APBA2: variants seen among roughly 807,000 people sequenced by gnomAD.
APBA2 encodes amyloid-beta A4 precursor protein-binding family A member 2.
APBA2 carries 30 observed loss-of-function variants against 75.0 expected under a neutral mutation model. That is an observed-to-expected ratio of 0.40 (90% CI 0.30 to 0.54). The LOEUF (loss-of-function observed/expected upper bound fraction) is 0.54, where lower values mean the gene tolerates loss of function less well. Among genes scored for constraint, APBA2 ranks in the 20% least tolerant of loss-of-function variants. The probability of loss-of-function intolerance (pLI) is 0.49; values close to 1 mark genes in which losing one functional copy is unlikely to be tolerated. For missense variants in APBA2, 801 were observed against 1,016.1 expected, an observed-to-expected ratio of 0.79 and a Z score of 2.88; for synonymous variants, 444 against 409.6, an observed-to-expected ratio of 1.08 and a Z score of -1.01.
Position 28,973,646 on chromosome 15 carries a change from TA to T in APBA2, c.-94-22099del, listed in dbSNP as rs575314269. ...ACTTAAACAAGTATTTTAAAATGTTTAAAAAAAATTGTATATGTATGACCGA... is the reference window on the plus strand; with the variant it reads ...ACTTAAACAAGTATTTTAAAATGTTTAAAAAAATTGTATATGTATGACCGA... On this transcript the variant is annotated intron_variant, in intron 2 of 14. Coordinates refer to ENST00000683413, the MANE Select transcript of APBA2 (RefSeq NM_001353788.2). Among the ~76,000 whole-genome samples, 894 of 152,242 alleles carry T rather than the reference TA, an allele frequency of 5.9e-3. 5 individuals are homozygous for T. Among genetic ancestry groups the T allele is most frequent in the Admixed American group, 8.0e-3 (123 of 15,298 alleles).
intron 1 of APBA2, among the ~76,000 whole-genome samples, chr15:28,901,334 G>A (rs1256530699): frequency 7.1e-6 from 1 of 141,392 alleles, no homozygotes; most frequent in Admixed American, 7.0e-5. Flanking sequence ...TCTGAGCCCC[G>A]CCCCACCCTC....
Position 29,046,689 on chromosome 15 carries a change from C to T in APBA2, c.-40-7156C>T, listed in dbSNP as rs2041350669. Among the ~76,000 whole-genome samples, 1 of 152,232 alleles carries T rather than the reference C, an allele frequency of 6.6e-6. No individual in the cohort carries two copies. Among genetic ancestry groups the T allele is most frequent in the Non-Finnish European group, 1.5e-5 (1 of 68,046 alleles). On this transcript the variant is annotated intron_variant, in intron 3 of 14. Transcript: ENST00000683413. This position sits in a 1 kb window ranked among gnomAD's most constrained non-coding sequence, Gnocchi z 5.0. ...CTTGGGCCATGAACCTGCACACTCTCCAGGTGGGCCTTGTGCCCACCAAAG... is the reference window on the plus strand; with the variant it reads ...CTTGGGCCATGAACCTGCACACTCTTCAGGTGGGCCTTGTGCCCACCAAAG...
chr15:28,971,610 G>C (rs2037073512), intron 2 of APBA2, among the ~76,000 whole-genome samples: 1 of 152,122 alleles, frequency 6.6e-6, no homozygotes, highest in Non-Finnish European at 1.5e-5. Context: ...GGTGTGAAAG[G>C]GAAGAGAAGA....
chr15:29,064,265 A>G (rs1216089068), intron 4 of APBA2, among the ~76,000 whole-genome samples: 1 of 151,446 alleles, frequency 6.6e-6, no homozygotes, highest in Non-Finnish European at 1.5e-5. Flanking sequence ...TCCAGTTTCC[A>G]CCCCGAATTC....
rs1412261503 is a variant in APBA2, at chr15:29,033,726, C to T, written c.-40-20119C>T. Among the ~76,000 whole-genome samples, 12 of 151,998 alleles carry T rather than the reference C, an allele frequency of 7.9e-5. No individual in the cohort carries two copies. In the South Asian group the frequency reaches 8.3e-4, roughly 11 times the overall value. On this transcript the variant is annotated intron_variant, in intron 3 of 14. Transcript: ENST00000683413. ...CTGTAATTCCAGCACTTTGGAAGGCCGAGGCAGCTGGATCACGAGGTCAGG... is the reference window on the plus strand; with the variant it reads ...CTGTAATTCCAGCACTTTGGAAGGCTGAGGCAGCTGGATCACGAGGTCAGG...
rs1450368077 is a variant in APBA2, at chr15:28,988,268, C to CT, written c.-94-7472dup. Among the ~76,000 whole-genome samples the CT allele has an allele frequency of 2.6e-3, 368 of 140,122 alleles. 1 individual carries two copies. Among genetic ancestry groups the CT allele is most frequent in the East Asian group, 0.016 (75 of 4,794 alleles). 91.9% of individuals were successfully genotyped at this position (140,122 alleles called of 152,430 possible). A position where few individuals can be genotyped will look rare whatever the true frequency, so the allele number is the denominator to read the frequency against. On this transcript the variant is annotated intron_variant, in intron 2 of 14. Coordinates refer to ENST00000683413, the MANE Select transcript of APBA2 (RefSeq NM_001353788.2). Reference sequence around the variant, plus strand: ...CCTTGTATTTTTTTCTGTAGTGTGCCTTTTTTTTTTTTTGAGATGGAGTCT... The same window carrying CT: ...CCTTGTATTTTTTTCTGTAGTGTGCCTTTTTTTTTTTTTTGAGATGGAGTCT...
chr15:28,987,734 A>ATATATATG lies in APBA2; in HGVS notation c.-94-8012_-94-8011insGTATATAT, dbSNP rs1166006548. Among the ~76,000 whole-genome samples the ATATATATG allele has an allele frequency of 1.3e-3, 179 of 136,572 alleles. 9 individuals carry two copies. Among genetic ancestry groups the ATATATATG allele is most frequent in the African/African-American group, 5.0e-3 (174 of 34,980 alleles). 89.6% of individuals were successfully genotyped at this position (136,572 alleles called of 152,430 possible). The stretch of plus-strand genomic sequence containing the variant: ...TCAAAGAATATGTGGAGAGAGATAT[A>ATATATATG]TATATATATATATATATATTCTTTT... On this transcript the variant is annotated intron_variant, in intron 2 of 14. Coordinates refer to ENST00000683413, the MANE Select transcript of APBA2 (RefSeq NM_001353788.2).
At chr15:29,075,276 G>A (rs1422101090) in intron 5 of APBA2, among the ~76,000 whole-genome samples, 1 of 152,074 alleles carries the variant, frequency 6.6e-6, no homozygotes, top group Non-Finnish European at 1.5e-5. Flanking sequence ...TGGGGGTGGG[G>A]GACCATTGGT....
Position 29,093,162 on chromosome 15 carries a change from G to A in APBA2, c.1157G>A (p.Arg386Gln), listed in dbSNP as rs765195472. The A allele has an allele frequency of 4.3e-6, 7 of 1,614,122 alleles. No homozygotes were observed. The highest frequency in any genetic ancestry group is 3.3e-5 in the Admixed American group (2 of 60,016). ...GGGTCCACCCAGCTGCTATCAGAAC[G>A]GAACCCTTCCAAAAACATCAGAATG... ...YLGSTQLLSE[R>Q]NPSKNIRMMQ... Residue 386 changes from arginine to glutamine, a missense_variant, in exon 7 of 15, where the codon CGG becomes CAG. Transcript: ENST00000683413.
intron 2 of APBA2, among the ~76,000 whole-genome samples, chr15:28,936,325 T>G (rs1293705051): frequency 6.6e-6 from 1 of 152,190 alleles, no homozygotes; most frequent in African/African-American, 2.4e-5. Flanking sequence ...CCAGCTTTGC[T>G]TAGGGAGCTA....
At chr15:28,960,816 G>A (rs1202729312) in intron 2 of APBA2, among the ~76,000 whole-genome samples, 1 of 150,802 alleles carries the variant, frequency 6.6e-6, no homozygotes, top group Non-Finnish European at 1.5e-5. Context: ...CTGGAGTGCA[G>A]TGGTGTGATC....
chr15:29,117,216 G>C lies in APBA2; in HGVS notation c.*83G>C. 9.0e-6 allele frequency: 12 copies of C among 1,339,754 alleles called. No homozygotes were observed. The highest frequency in any genetic ancestry group is 1.3e-5 in the Non-Finnish European group (12 of 935,608). 83.0% of individuals were successfully genotyped at this position (1,339,754 alleles called of 1,614,324 possible). A position where few individuals can be genotyped will look rare whatever the true frequency, so the allele number is the denominator to read the frequency against. Reference sequence around the variant, plus strand: ...GAGCTGGGAGCCGGGCCGCAGACTTGACCCCGACGCCACAGCCCAGCCACG... The same window carrying C: ...GAGCTGGGAGCCGGGCCGCAGACTTCACCCCGACGCCACAGCCCAGCCACG... On this transcript the variant is annotated 3_prime_UTR_variant, in exon 15 of 15. Transcript: ENST00000683413.
At chr15:28,889,540 C>T (rs1164856572) in intron 1 of APBA2, among the ~76,000 whole-genome samples, 2 of 152,226 alleles carry the variant, frequency 1.3e-5, no homozygotes, top group East Asian at 3.9e-4. Context: ...AGAATGGCCC[C>T]TCCAGGCTGC....
intron 3 of APBA2, among the ~76,000 whole-genome samples, chr15:29,011,054 G>T (rs112286797): frequency 6.6e-6 from 1 of 152,018 alleles, no homozygotes; most frequent in African/African-American, 2.4e-5. Flanking sequence ...TCTACTTTCC[G>T]ACTACTCTAG....
intron 3 of APBA2, among the ~76,000 whole-genome samples, chr15:29,019,051 G>T (rs2039817662): frequency 6.6e-6 from 1 of 152,224 alleles, no homozygotes; most frequent in Non-Finnish European, 1.5e-5. Flanking sequence ...ACGCTGTAGG[G>T]ATCAGGTTTG....
chr15:28,907,959 T>A (rs1314965113), intron 1 of APBA2, among the ~76,000 whole-genome samples: 2 of 152,254 alleles, frequency 1.3e-5, no homozygotes, highest in African/African-American at 4.8e-5. Context: ...CTAAAATCTG[T>A]TTAAAAACCT....
intron 13 of APBA2, among the ~76,000 whole-genome samples, chr15:29,110,317 G>A (rs2044660805): frequency 6.6e-6 from 1 of 152,164 alleles, no homozygotes; most frequent in South Asian, 2.1e-4. Flanking sequence ...GGTGTCCCCT[G>A]GGCTGCCCCT....
At chr15:28,944,202 G>T (rs2035407970) in intron 2 of APBA2, among the ~76,000 whole-genome samples, 1 of 152,186 alleles carries the variant, frequency 6.6e-6, no homozygotes, top group African/African-American at 2.4e-5. Context: ...AGAGACATTG[G>T]AAAAGAACAT....
chr15:29,084,670 C>T (rs972442744), intron 6 of APBA2, among the ~76,000 whole-genome samples: 1 of 152,174 alleles, frequency 6.6e-6, no homozygotes, highest in Non-Finnish European at 1.5e-5. Context: ...GAATGGGGAT[C>T]CAAACAAAAC....
Sources: gnomAD v4.1 joint callset for allele counts (sites outside exome capture counted in the v4.1 genomes callset) on GRCh38, gnomAD v4.1.1 for gene constraint, Gnocchi (gnomAD v3.1) non-coding constraint, MANE v1.5 for transcripts, NCBI Gene and HGNC (gene_info 2026-07-23, HGNC 2026-07-21) for gene names.